SMCHD1: variants seen among roughly 807,000 people sequenced by gnomAD.
SMCHD1 encodes the protein structural maintenance of chromosomes flexible hinge domain containing 1.
In SMCHD1, 78 loss-of-function variants were observed where a neutral mutation model predicts 254.7. The ratio of observed to expected loss-of-function variants is 0.31; its 90% CI spans 0.26 to 0.37. SMCHD1 has a LOEUF of 0.37. Ranked by LOEUF, SMCHD1 falls within the 10% of genes least tolerant of loss-of-function variation. The pLI is 1.00. For synonymous variants in SMCHD1, 766 were observed against 794.9 expected (o/e 0.96, Z 0.61); for missense variants, 1,840 against 2,408.1 (o/e 0.76, Z 4.94).
chr18:2,783,123 A>G (rs2076184391), intron 44 of SMCHD1, among the ~76,000 whole-genome samples: 1 of 152,190 alleles, frequency 6.6e-6, no homozygotes, highest in Non-Finnish European at 1.5e-5. Flanking sequence ...TAATATATGT[A>G]TACTATTTCA....
At chr18:2,739,308 G>A (rs1249223149) in intron 26 of SMCHD1, 124 bp from the exon 27 acceptor site, 1 of 685,100 alleles carries the variant, frequency 1.5e-6, no homozygotes, top group Non-Finnish European at 2.6e-6. Flanking sequence ...ACAGTTATTT[G>A]AAGGAGTGTT....
At chr18:2,703,655 G>GTAGC (rs2074452459) in intron 12 of SMCHD1, 37 bp from the exon 13 acceptor site, 1 of 1,496,944 alleles carries the variant, frequency 6.7e-7, no homozygotes. Context: ...TTGTTTGCTA[G>GTAGC]TAGCTATATT....
chr18:2,804,295 A>AAAAC lies in SMCHD1; in HGVS notation c.*1745_*1748dup, dbSNP rs916409497. On this transcript the variant is annotated 3_prime_UTR_variant, in exon 48 of 48. Transcript: ENST00000320876. ...ATTCTTTTTATTAGAAGTGTGTTTA[A>AAAAC]AAACATGTCTTTTTTTCCCTTGAGC... The AAAAC allele has an allele frequency of 2.6e-5, 4 of 152,176 alleles. No homozygotes were observed. The highest frequency in any genetic ancestry group is 9.7e-5 in the African/African-American group (4 of 41,432). 9.4% of individuals were successfully genotyped at this position (152,176 alleles called of 1,614,324 possible).
chr18:2,727,261 T>C (rs1293773697), intron 22 of SMCHD1: 2 of 152,138 alleles, frequency 1.3e-5, no homozygotes, highest in East Asian at 3.8e-4. Context: ...ATGTAAGTTT[T>C]AACTCTCATA....
intron 45 of SMCHD1, among the ~76,000 whole-genome samples, chr18:2,793,378 T>G (rs2076200485): frequency 6.6e-6 from 1 of 152,302 alleles, no homozygotes; most frequent in Non-Finnish European, 1.5e-5. Flanking sequence ...AAAACATTGC[T>G]TGAGGCCAGG....
At chr18:2,760,032 G>A (rs190633773) in intron 34 of SMCHD1, among the ~76,000 whole-genome samples, 1 of 152,170 alleles carries the variant, frequency 6.6e-6, no homozygotes, top group Non-Finnish European at 1.5e-5. Context: ...CATTGAGCCG[G>A]TATTTTGAGA....
chr18:2,802,539 A>C lies in SMCHD1; in HGVS notation c.6005A>C (p.Lys2002Thr), dbSNP rs959328. 37 of 1,554,226 alleles carry C rather than the reference A, an allele frequency of 2.4e-5. No homozygotes were observed. In the East Asian group the frequency reaches 4.1e-4, roughly 17 times the overall value. The change falls in exon 48 of 48, where the codon AAA becomes ACA. Residue 2002 changes from lysine (K) to threonine (T), a missense_variant. Lys to Thr is a moderately conservative substitution (Grantham distance 78, BLOSUM62 -1). Coordinates refer to ENST00000320876, the MANE Select transcript of SMCHD1 (RefSeq NM_015295.3). ...TCCCCTTTGACCAGGATTATAACCAAAACAGATGTATGAGAGGTGACAGAG... is the reference window on the plus strand; with the variant it reads ...TCCCCTTTGACCAGGATTATAACCACAACAGATGTATGAGAGGTGACAGAG... Reference protein sequence around the residue: ...EATRQNRIITKTDV With the variant: ...EATRQNRIITTTDV
chr18:2,778,310 A>G lies in SMCHD1; in HGVS notation c.5547+71A>G, dbSNP rs1009952244. The G allele has an allele frequency of 2.7e-6, 3 of 1,102,582 alleles. 1 individual carries two copies. The highest frequency in any genetic ancestry group is 2.9e-5 in the South Asian group (2 of 69,900). The allele number at this position is 1,102,582 out of a possible 1,614,324, so 68.3% of individuals were successfully genotyped here. A position where few individuals can be genotyped will look rare whatever the true frequency, so the allele number is the denominator to read the frequency against. ...GTGTATCATGTCCATTTGATGATACATATACAAACGACTAGCCTTTTCAAA... is the reference window on the plus strand; with the variant it reads ...GTGTATCATGTCCATTTGATGATACGTATACAAACGACTAGCCTTTTCAAA... On this transcript the variant is annotated intron_variant, in intron 44 of 47. Coordinates refer to ENST00000320876, the MANE Select transcript of SMCHD1 (RefSeq NM_015295.3).
At chr18:2,759,973 T>A (rs939053205) in intron 34 of SMCHD1, among the ~76,000 whole-genome samples, 2 of 152,170 alleles carry the variant, frequency 1.3e-5, no homozygotes, top group African/African-American at 2.4e-5. Context: ...GATGTTACAG[T>A]GTCGGGATTT....
intron 17 of SMCHD1, among the ~76,000 whole-genome samples, chr18:2,715,066 T>G (rs948912453): frequency 6.6e-6 from 1 of 152,238 alleles, no homozygotes; most frequent in Non-Finnish European, 1.5e-5. Flanking sequence ...CAGTCTAATT[T>G]CTATATATTG....
In SMCHD1 at chr18:2,668,588, A is replaced by T. The variant is rs1409029627; in HGVS notation, c.424+1557A>T. ...TTTTGTACAAAAAAGCTCTTCTCCC[A>T]TCTTAAAAACACTAAAGTCTTACTT... On this transcript the variant is annotated intron_variant, in intron 3 of 47. Coordinates refer to ENST00000320876, the MANE Select transcript of SMCHD1 (RefSeq NM_015295.3). Among the ~76,000 whole-genome samples, 4 of 152,184 alleles carry T rather than the reference A, an allele frequency of 2.6e-5. No homozygotes were observed. In the East Asian group the frequency reaches 5.8e-4, roughly 22 times the overall value.
intron 26 of SMCHD1, among the ~76,000 whole-genome samples, chr18:2,738,925 A>G (rs903014125): frequency 2.1e-5 from 3 of 145,270 alleles, no homozygotes; most frequent in Non-Finnish European, 4.6e-5. Flanking sequence ...GTTAATATGT[A>G]GAACTCATAT....
At chr18:2,794,355 A>C (rs2076222509) in intron 45 of SMCHD1, among the ~76,000 whole-genome samples, 1 of 152,086 alleles carries the variant, frequency 6.6e-6, no homozygotes, top group African/African-American at 2.4e-5. Flanking sequence ...TGTGCTGGCC[A>C]ATTTGCCTGT....
chr18:2,785,387 G>A (rs76008421), intron 45 of SMCHD1, among the ~76,000 whole-genome samples: 3 of 152,110 alleles, frequency 2.0e-5, no homozygotes, highest in East Asian at 1.9e-4. Context: ...GATGGCTCAC[G>A]CCTGTAATCC....
Position 2,676,350 on chromosome 18 carries a change from C to T in SMCHD1, c.638+2205C>T, listed in dbSNP as rs554498980. ...AATGTAGAATAATAGAGCTGATGCA[C>T]ATCTCCTCTAGATAAGGTGGTTGGA... On this transcript the variant is annotated intron_variant, in intron 5 of 47. Transcript: ENST00000320876. Among the ~76,000 whole-genome samples, 5 of 152,276 alleles carry T rather than the reference C, an allele frequency of 3.3e-5. No individual in the cohort carries two copies. In the East Asian group the frequency reaches 7.7e-4, roughly 23 times the overall value.
chr18:2,725,117 TTCTTAGGAA>T (rs1462615314), intron 21 of SMCHD1, 122 bp downstream of exon 21: 1 of 528,248 alleles, frequency 1.9e-6, no homozygotes, highest in East Asian at 3.2e-5. Context: ...AGTAATTGGG[TTCTTAGGAA>T]TTTATCAGCA....
chr18:2,665,218 G>A (rs1483689816), intron 1 of SMCHD1, among the ~76,000 whole-genome samples: 2 of 151,868 alleles, frequency 1.3e-5, no homozygotes, highest in Admixed American at 1.3e-4. Flanking sequence ...CAGTTCATGT[G>A]TTCATTGGTC....
chr18:2,739,457 TTAAAA>T lies in SMCHD1; in HGVS notation c.3453_3457del (p.Lys1152Ter). On this transcript the variant is annotated frameshift_variant, in exon 27 of 48. Transcript: ENST00000320876. LOFTEE classifies it high-confidence loss of function. ...ACCACTTCCTGATGAACCTAAACAT[TTAAAA>T]TGTGAAATGAAAGGAGGAAAAACAG... 6.2e-7 allele frequency: 1 copy of T among 1,613,176 alleles called. No homozygotes were observed. Among genetic ancestry groups the T allele is most frequent in the South Asian group, 1.1e-5 (1 of 91,068 alleles).
At chr18:2,704,362 G>A (rs1283015769) in intron 13 of SMCHD1, among the ~76,000 whole-genome samples, 2 of 152,022 alleles carry the variant, frequency 1.3e-5, no homozygotes, top group African/African-American at 4.8e-5. Context: ...TTAATGTAAT[G>A]CGTTAAGTAA....
Sources: gnomAD v4.1 joint callset for allele counts (sites outside exome capture counted in the v4.1 genomes callset) on GRCh38, gnomAD v4.1.1 for gene constraint, MANE v1.5 for transcripts, NCBI Gene and HGNC (gene_info 2026-07-23, HGNC 2026-07-21) for gene names.